The following KIAA1586 variants were observed in gnomAD, a reference collection of about 807,000 sequenced individuals.
The protein encoded by KIAA1586 is E3 SUMO-protein ligase KIAA1586.
Under a neutral mutation model 6.1 loss-of-function variants are expected in KIAA1586, and 5 were observed. The ratio of observed to expected loss-of-function variants is 0.82; its 90% CI spans 0.43 to 1.73. The LOEUF is 1.73. KIAA1586 is among the 40% of genes most tolerant of loss of function. The pLI is 0.02. For synonymous variants in KIAA1586, 280 were observed against 301.7 expected (o/e 0.93, Z 0.75); for missense variants, 899 against 878.2 (o/e 1.02, Z -0.30).
Position 57,054,335 on chromosome 6 carries a change from G to T in KIAA1586, c.1836G>T (p.Gln612His). Residue 612 changes from glutamine (Q) to histidine (H), a missense_variant, in exon 4 of 4, where the codon CAG (glutamine) becomes CAT (histidine). Transcript: ENST00000370733. Reference protein sequence around the residue: ...PRSILLDNIIQHMNLRLLSDR... With the variant: ...PRSILLDNIIHHMNLRLLSDR... ...GTATATTACTAGACAATATAATTCA[G>T]CACATGAACCTACGCCTTTTATCTG... 1 of 1,594,134 alleles carries T rather than the reference G, an allele frequency of 6.3e-7. No individual in the cohort carries two copies. The highest frequency in any genetic ancestry group is 8.5e-7 in the Non-Finnish European group (1 of 1,173,810).
chr6:57,048,108 G>A (rs796775838), intron 2 of KIAA1586, among the ~76,000 whole-genome samples: 5 of 150,950 alleles, frequency 3.3e-5, no homozygotes, highest in African/African-American at 9.9e-5. Context: ...AAAGCAGAAG[G>A]GAGTGTTTTA....
At chr6:57,055,740 G>T (rs1048117315), downstream of KIAA1586, among the ~76,000 whole-genome samples, 1 of 152,110 alleles carries the variant, frequency 6.6e-6, no homozygotes, top group Non-Finnish European at 1.5e-5. Context: ...TACTGAAAAA[G>T]AATCAAGTGG....
chr6:57,060,143 A>G (rs927236158), downstream of KIAA1586, among the ~76,000 whole-genome samples: 1 of 152,176 alleles, frequency 6.6e-6, no homozygotes, highest in Non-Finnish European at 1.5e-5. Flanking sequence ...CAGATTTATA[A>G]TCTTGTATAG....
At chr6:57,061,750 C>G in the KIAA1586 span, among the ~76,000 whole-genome samples, 1 of 151,238 alleles carries the variant, frequency 6.6e-6, no homozygotes, top group African/African-American at 2.4e-5. Context: ...AAAAATAATC[C>G]CATAAAATTG....
At position 57,054,718 on chromosome 6, in the gene KIAA1586, G is replaced by T; in HGVS notation, c.2219G>T (p.Gly740Val). The T allele has an allele frequency of 6.4e-7, 1 of 1,551,450 alleles. No individual in the cohort carries two copies. The highest frequency in any genetic ancestry group is 8.7e-7 in the Non-Finnish European group (1 of 1,146,836). Residue 740 changes from glycine (G) to valine (V), a missense_variant, in exon 4 of 4, where the codon GGG becomes GTG. Coordinates refer to ENST00000370733, the MANE Select transcript of KIAA1586 (RefSeq NM_020931.4). ...GATTTAATGACAATAAATTTACTGG[G>T]GAAAGAATTAGCAGATTGGGATGCA... is the stretch of plus-strand genomic sequence containing the variant. ...VSDLMTINLL[G>V]KELADWDATP...
downstream of KIAA1586, among the ~76,000 whole-genome samples, chr6:57,058,530 G>GAT (rs2127914887): frequency 6.6e-6 from 1 of 152,276 alleles, no homozygotes; most frequent in South Asian, 2.1e-4. Context: ...ATGCTAGCCA[G>GAT]ATATTTAATA....
chr6:57,053,732 T>C lies in KIAA1586; in HGVS notation c.1233T>C (p.Pro411=). ...CTACAAAATTGTTAGAAAATTTTCCTGAAATCATCATTTGGAACTGTTTAA... is the reference window on the plus strand; with the variant it reads ...CTACAAAATTGTTAGAAAATTTTCCCGAAATCATCATTTGGAACTGTTTAA... ...GVATKLLENF[P]EIIIWNCLNH... The change falls in exon 4 of 4, where the codon CCT becomes CCC. Residue 411 remains proline (P), a synonymous_variant. Transcript: ENST00000370733. 1 of 1,610,710 alleles carries C rather than the reference T, an allele frequency of 6.2e-7. No homozygotes were observed. The highest frequency in any genetic ancestry group is 8.5e-7 in the Non-Finnish European group (1 of 1,177,680).
At chr6:57,064,705 A>C in the KIAA1586 span, among the ~76,000 whole-genome samples, 1 of 152,160 alleles carries the variant, frequency 6.6e-6, no homozygotes, top group Non-Finnish European at 1.5e-5. Flanking sequence ...TAAATGTTCC[A>C]AAAGCCTTCT....
the KIAA1586 span, among the ~76,000 whole-genome samples, chr6:57,062,037 T>G: frequency 6.6e-6 from 1 of 151,818 alleles, no homozygotes; most frequent in Non-Finnish European, 1.5e-5. Flanking sequence ...GCTCAAGAGA[T>G]CCTTCCACCT....
the KIAA1586 span, among the ~76,000 whole-genome samples, chr6:57,061,190 C>T: frequency 6.7e-6 from 1 of 150,054 alleles, no homozygotes; most frequent in Non-Finnish European, 1.5e-5. Context: ...GTTGGCCAGG[C>T]TGGTCTCAAT....
At chr6:57,056,052 C>CT (rs1055022779), downstream of KIAA1586, among the ~76,000 whole-genome samples, 27 of 147,378 alleles carry the variant, frequency 1.8e-4, no homozygotes, top group South Asian at 2.1e-4. Flanking sequence ...AGCTGAGATT[C>CT]TTTTTTTTTT....
Position 57,052,694 on chromosome 6 carries a change from T to C in KIAA1586, c.195T>C (p.Phe65=). ...NPSAYYSDIL[F]PKMPKRQGDF... ...GTAAAATTATTTTTCAGATTCTGTT[T>C]CCTAAAATGCCAAAACGACAGGGTG... is the stretch of plus-strand genomic sequence containing the variant. The change falls in exon 4 of 4, where the codon TTT becomes TTC. Residue 65 remains phenylalanine, a synonymous_variant. Coordinates refer to ENST00000370733, the MANE Select transcript of KIAA1586 (RefSeq NM_020931.4). 6.4e-7 allele frequency: 1 copy of C among 1,552,974 alleles called. No homozygotes were observed. The highest frequency in any genetic ancestry group is 8.7e-7 in the Non-Finnish European group (1 of 1,151,134).
chr6:57,051,731 C>T (rs542129100), intron 3 of KIAA1586, among the ~76,000 whole-genome samples: 3 of 152,188 alleles, frequency 2.0e-5, no homozygotes, highest in South Asian at 4.2e-4. Flanking sequence ...GTCAGGAGTT[C>T]GAGACCAGCC....
At chr6:57,059,651 C>T (rs955021968), downstream of KIAA1586, among the ~76,000 whole-genome samples, 3 of 151,712 alleles carry the variant, frequency 2.0e-5, no homozygotes, top group Admixed American at 2.0e-4. Flanking sequence ...GACGGCACTA[C>T]CCTATATGAT....
chr6:57,048,298 G>A (rs1828235058), intron 2 of KIAA1586, among the ~76,000 whole-genome samples: 1 of 152,310 alleles, frequency 6.6e-6, no homozygotes, highest in South Asian at 2.1e-4. Context: ...TGGAGTGTCT[G>A]TCTAATGTTT....
chr6:57,058,171 A>G (rs559182327), downstream of KIAA1586, among the ~76,000 whole-genome samples: 171 of 152,310 alleles, frequency 1.1e-3, 2 homozygotes, highest in African/African-American at 4.0e-3. Context: ...TTCTGTCACA[A>G]TAAATGGCAC....
At chr6:57,059,587 T>TG (rs796403380), downstream of KIAA1586, among the ~76,000 whole-genome samples, 50 of 10,262 alleles carry the variant, frequency 4.9e-3, no homozygotes, top group African/African-American at 0.018. Flanking sequence ...AGACTCTGTC[T>TG]GAAAAAAAAA....
At chr6:57,062,825 C>T in the KIAA1586 span, among the ~76,000 whole-genome samples, 1 of 152,192 alleles carries the variant, frequency 6.6e-6, no homozygotes, top group South Asian at 2.1e-4. Context: ...CCGAGGTGGG[C>T]GGATTGCCTG....
intron 3 of KIAA1586, among the ~76,000 whole-genome samples, chr6:57,051,929 G>A (rs1030336575): frequency 1.3e-5 from 2 of 152,112 alleles, no homozygotes; most frequent in Non-Finnish European, 2.9e-5. Context: ...AGCTGAGATC[G>A]CGCCACTGCA....
Sources: gnomAD v4.1 joint callset for allele counts (sites outside exome capture counted in the v4.1 genomes callset) on GRCh38, gnomAD v4.1.1 for gene constraint, MANE v1.5 for transcripts, NCBI Gene and HGNC (gene_info 2026-07-23, HGNC 2026-07-21) for gene names.